Variants in ANKS1B observed in about 807,000 individuals in gnomAD.
ANKS1B encodes ankyrin repeat and sterile alpha motif domain containing 1B, also known as ankyrin repeat and sterile alpha motif domain-containing protein 1B.
Under a neutral mutation model 148.3 loss-of-function variants are expected in ANKS1B, and 36 were observed. The observed-to-expected ratio is 0.24, with a 90% CI of 0.19 to 0.32. The LOEUF is 0.32. ANKS1B is among the 10% of genes least tolerant of loss of function. The pLI, the probability that ANKS1B is intolerant of heterozygous loss-of-function variation, is 1.00. For synonymous variants in ANKS1B, 542 were observed against 560.8 expected (o/e 0.97, Z 0.47); for missense variants, 1,157 against 1,542.6 (o/e 0.75, Z 4.19).
intron 1 of ANKS1B, among the ~76,000 whole-genome samples, chr12:99,881,664 G>T (rs2092504370): frequency 6.6e-6 from 1 of 152,182 alleles, no homozygotes; most frequent in African/African-American, 2.4e-5. Context: ...CCACTACCCA[G>T]ATCTCAGACT....
At chr12:99,350,878 A>G (rs1237925465) in intron 12 of ANKS1B, among the ~76,000 whole-genome samples, 2 of 152,066 alleles carry the variant, frequency 1.3e-5, no homozygotes, top group African/African-American at 4.8e-5. Context: ...ACGGTCACTT[A>G]GTTCTGCATT....
chr12:99,124,300 G>C (rs891528495), intron 15 of ANKS1B, among the ~76,000 whole-genome samples: 2 of 152,128 alleles, frequency 1.3e-5, no homozygotes, highest in African/African-American at 4.8e-5. Flanking sequence ...TAGTGCCAGT[G>C]GGATTTGCTG....
intron 14 of ANKS1B, among the ~76,000 whole-genome samples, chr12:99,170,616 C>T (rs117969986): frequency 0.021 from 3,272 of 152,226 alleles, 55 homozygotes; most frequent in Non-Finnish European, 0.032. Context: ...ACTGGTCCTG[C>T]GCCATCAGTG....
intron 19 of ANKS1B, among the ~76,000 whole-genome samples, chr12:98,816,290 A>T (rs995079700): frequency 2.0e-5 from 3 of 151,932 alleles, no homozygotes; most frequent in African/African-American, 7.3e-5. Context: ...AGCAGAAATT[A>T]TTTATTTATT....
At chr12:98,987,854 G>A (rs957520020) in intron 17 of ANKS1B, among the ~76,000 whole-genome samples, 2 of 152,122 alleles carry the variant, frequency 1.3e-5, no homozygotes, top group Admixed American at 6.6e-5. Context: ...GAAAAATGGA[G>A]TGATGGACAG....
At chr12:99,193,793 CTTTTTTTTTTTTT>C (rs34024548) in intron 14 of ANKS1B, among the ~76,000 whole-genome samples, 24 of 66,800 alleles carry the variant, frequency 3.6e-4, no homozygotes, top group African/African-American at 1.2e-3. Flanking sequence ...ATTTCTAGTT[CTTTTTTTTTTTTT>C]TTTTTTTTTT....
At chr12:98,932,035 G>A (rs962922020) in intron 17 of ANKS1B, among the ~76,000 whole-genome samples, 1 of 152,052 alleles carries the variant, frequency 6.6e-6, no homozygotes, top group Admixed American at 6.6e-5. Context: ...TACCAACCTC[G>A]GTCTTCTCAG....
At chr12:99,869,721 C>T (rs2091250489) in intron 1 of ANKS1B, among the ~76,000 whole-genome samples, 1 of 147,652 alleles carries the variant, frequency 6.8e-6, no homozygotes, top group Non-Finnish European at 1.5e-5. Flanking sequence ...CACAGAGAAA[C>T]AATGATCTTT....
intron 12 of ANKS1B, among the ~76,000 whole-genome samples, chr12:99,249,273 C>T (rs1169110003): frequency 1.3e-5 from 2 of 152,026 alleles, no homozygotes. Context: ...AAAGAGTTTC[C>T]GACGATGTTC....
At chr12:99,300,876 CG>C (rs1390132592) in intron 12 of ANKS1B, among the ~76,000 whole-genome samples, 2 of 152,046 alleles carry the variant, frequency 1.3e-5, no homozygotes, top group Admixed American at 1.3e-4. Flanking sequence ...TAGATGTATT[CG>C]GTTTCAGAAC....
At chr12:99,485,332 T>C (rs1166062331) in intron 10 of ANKS1B, among the ~76,000 whole-genome samples, 1 of 152,132 alleles carries the variant, frequency 6.6e-6, no homozygotes, top group Non-Finnish European at 1.5e-5. Context: ...AGGTTGAAGA[T>C]AGGACCCCAC....
chr12:99,457,109 C>G (rs2095859370), intron 10 of ANKS1B, among the ~76,000 whole-genome samples: 1 of 151,982 alleles, frequency 6.6e-6, no homozygotes, highest in Non-Finnish European at 1.5e-5. Flanking sequence ...TCTCTTTAGC[C>G]TCCTTAAATA....
downstream of ANKS1B, among the ~76,000 whole-genome samples, chr12:98,742,534 T>C (rs1051586199): frequency 3.9e-5 from 6 of 152,086 alleles, no homozygotes; most frequent in African/African-American, 1.4e-4. Flanking sequence ...AAGCACAGAG[T>C]GAGTTCTCAA....
chr12:99,274,417 A>G (rs895955947), intron 12 of ANKS1B, among the ~76,000 whole-genome samples: 2 of 152,214 alleles, frequency 1.3e-5, no homozygotes, highest in African/African-American at 2.4e-5. Context: ...TTAGATTGTC[A>G]TTAGATACTT....
intron 12 of ANKS1B, among the ~76,000 whole-genome samples, chr12:99,340,392 T>C (rs760866439): frequency 7.2e-5 from 11 of 152,160 alleles, no homozygotes; most frequent in Non-Finnish European, 1.0e-4. Context: ...GTTTGCAATA[T>C]TGTATAACAG....
chr12:99,175,837 T>A (rs1173293616), intron 14 of ANKS1B, among the ~76,000 whole-genome samples: 1 of 152,114 alleles, frequency 6.6e-6, no homozygotes, highest in Non-Finnish European at 1.5e-5. Flanking sequence ...TATTTTTTAT[T>A]TATTTACTTA....
Position 99,895,344 on chromosome 12 carries a change from T to C in ANKS1B, c.135-69955A>G, listed in dbSNP as rs572994232. ...AGAAAAATAATTACTATAAGTTACC[T>C]AGAGGCTGAGAAGTCCCATGTGGCG... On this transcript the variant is annotated intron_variant, in intron 1 of 26. Transcript: ENST00000683438. Among the ~76,000 whole-genome samples, 13 of 150,426 alleles carry C rather than the reference T, an allele frequency of 8.6e-5. No homozygotes were observed. The South Asian group carries it at 2.7e-3, about 32-fold the overall frequency.
At chr12:99,896,187 G>A (rs1200266410) in intron 1 of ANKS1B, among the ~76,000 whole-genome samples, 1 of 150,886 alleles carries the variant, frequency 6.6e-6, no homozygotes, top group Non-Finnish European at 1.5e-5. Context: ...CTGTGCTTAC[G>A]TGTCCTACAT....
At chr12:98,960,876 G>T (rs1189093847) in intron 17 of ANKS1B, among the ~76,000 whole-genome samples, 1 of 152,132 alleles carries the variant, frequency 6.6e-6, no homozygotes, top group Non-Finnish European at 1.5e-5. Context: ...ACTGAAGAAT[G>T]CATCAGAGTC....
Sources: gnomAD v4.1 joint callset for allele counts (sites outside exome capture counted in the v4.1 genomes callset) on GRCh38, gnomAD v4.1.1 for gene constraint, MANE v1.5 for transcripts, NCBI Gene and HGNC (gene_info 2026-07-23, HGNC 2026-07-21) for gene names.